Variants in USP12 observed in about 807,000 individuals in gnomAD.
The protein encoded by USP12 is ubiquitin carboxyl-terminal hydrolase 12.
In USP12, 19 loss-of-function variants were observed where a neutral mutation model predicts 45.5. The ratio of observed to expected loss-of-function variants is 0.42; its 90% CI spans 0.29 to 0.61. The LOEUF (loss-of-function observed/expected upper bound fraction) is 0.61, where lower values mean the gene tolerates loss of function less well. Among genes scored for constraint, USP12 ranks in the 20% least tolerant of loss-of-function variants. USP12 has a pLI of 0.22. For synonymous variants in USP12, 149 were observed against 148.8 expected (o/e 1.00, Z -0.01); for missense variants, 242 against 447.7 (o/e 0.54, Z 4.15).
chr13:27,158,838 A>G (rs577602579), intron 1 of USP12, among the ~76,000 whole-genome samples: 7 of 152,384 alleles, frequency 4.6e-5, no homozygotes, highest in Middle Eastern at 3.4e-3. Context: ...GGAAATTAAA[A>G]TGCACACAAG....
chr13:27,127,773 T>C (rs564191946), intron 1 of USP12, among the ~76,000 whole-genome samples: 1 of 152,252 alleles, frequency 6.6e-6, no homozygotes, highest in African/African-American at 2.4e-5. Context: ...AAATTTCTCA[T>C]CTCTTCAGAA....
At chr13:27,138,036 G>C (rs1324550296) in intron 1 of USP12, among the ~76,000 whole-genome samples, 3 of 152,226 alleles carry the variant, frequency 2.0e-5, no homozygotes, top group African/African-American at 7.2e-5. Context: ...AAGTGAGCTT[G>C]AAAGCAGATC....
intron 6 of USP12, among the ~76,000 whole-genome samples, chr13:27,087,051 AC>A (rs1476620183): frequency 3.3e-5 from 5 of 152,146 alleles, no homozygotes; most frequent in Non-Finnish European, 7.3e-5. Flanking sequence ...AATAACACAG[AC>A]ATCTGTACAG....
At chr13:27,112,973 C>A (rs1399751013) in intron 2 of USP12, among the ~76,000 whole-genome samples, 4 of 152,202 alleles carry the variant, frequency 2.6e-5, no homozygotes. Flanking sequence ...ATGGCTCATG[C>A]CTGTAATCCC....
chr13:27,124,599 G>A (rs1169239829), intron 1 of USP12, among the ~76,000 whole-genome samples: 2 of 152,182 alleles, frequency 1.3e-5, no homozygotes, highest in African/African-American at 4.8e-5. Flanking sequence ...AGTACACAAA[G>A]GAGAACCGCC....
At chr13:27,147,434 G>A (rs1225353130) in intron 1 of USP12, among the ~76,000 whole-genome samples, 1 of 151,994 alleles carries the variant, frequency 6.6e-6, no homozygotes, top group Non-Finnish European at 1.5e-5. Flanking sequence ...AAAAATTCTA[G>A]CTAACAAAGT....
chr13:27,160,859 C>T (rs572575355), intron 1 of USP12, among the ~76,000 whole-genome samples: 1 of 151,050 alleles, frequency 6.6e-6, no homozygotes, highest in Non-Finnish European at 1.5e-5. Flanking sequence ...CACAGGTAAA[C>T]GTATCATGGT....
chr13:27,086,197 A>AAAAATATATAT (rs1555233235), intron 6 of USP12, among the ~76,000 whole-genome samples: 1 of 56,934 alleles, frequency 1.8e-5, no homozygotes, highest in African/African-American at 6.9e-5. Flanking sequence ...AAAAAAAAAA[A>AAAAATATATAT]ATATATATAT....
chr13:27,150,834 TG>T (rs953215880), intron 1 of USP12, among the ~76,000 whole-genome samples: 25 of 152,212 alleles, frequency 1.6e-4, no homozygotes, highest in African/African-American at 5.8e-4. Context: ...CAACTGGCGC[TG>T]GGACAAATGG....
At chr13:27,098,628 G>A (rs925368834) in intron 3 of USP12, among the ~76,000 whole-genome samples, 9 of 152,244 alleles carry the variant, frequency 5.9e-5, no homozygotes, top group Admixed American at 6.5e-5. Context: ...GGTATGGCAC[G>A]TTGTAAAGGC....
At chr13:27,089,366 A>G (rs1371646909) in intron 6 of USP12, 1 of 152,868 alleles carries the variant, frequency 6.5e-6, no homozygotes, top group Non-Finnish European at 1.5e-5. Flanking sequence ...TAGGGTAAAA[A>G]AGCTTTCTTG....
intron 1 of USP12, among the ~76,000 whole-genome samples, chr13:27,143,442 C>A (rs1236241613): frequency 6.6e-6 from 1 of 152,066 alleles, no homozygotes; most frequent in Non-Finnish European, 1.5e-5. Context: ...AGAGGAATGC[C>A]TACTAATAAA....
chr13:27,145,047 G>A (rs1566002565), intron 1 of USP12, among the ~76,000 whole-genome samples: 1 of 152,162 alleles, frequency 6.6e-6, no homozygotes, highest in African/African-American at 2.4e-5. Flanking sequence ...AGCCTGGGCT[G>A]GACCCTGCAG....
At chr13:27,076,212 A>G (rs1181764368) in intron 6 of USP12, among the ~76,000 whole-genome samples, 2 of 152,170 alleles carry the variant, frequency 1.3e-5, no homozygotes, top group Non-Finnish European at 2.9e-5. Flanking sequence ...TGTCAGAGAC[A>G]AGAAATAACT....
chr13:27,122,204 C>T (rs1345756095), intron 1 of USP12, among the ~76,000 whole-genome samples: 1 of 151,848 alleles, frequency 6.6e-6, no homozygotes, highest in Admixed American at 6.6e-5. Flanking sequence ...AACTGTACTT[C>T]CATAGGAACC....
chr13:27,084,119 A>C (rs117926682), intron 6 of USP12, among the ~76,000 whole-genome samples: 6,541 of 151,294 alleles, frequency 0.043, 216 homozygotes, highest in Non-Finnish European at 0.074. Context: ...CTTTTTAACT[A>C]CAAAAAAAAT....
intron 2 of USP12, among the ~76,000 whole-genome samples, chr13:27,114,415 A>G (rs1875613492): frequency 6.6e-6 from 1 of 152,218 alleles, no homozygotes; most frequent in Non-Finnish European, 1.5e-5. Flanking sequence ...CTGGCCTGTA[A>G]GTGGGATACT....
intron 4 of USP12, among the ~76,000 whole-genome samples, chr13:27,091,881 A>G (rs1218536759): frequency 1.3e-5 from 2 of 152,224 alleles, no homozygotes; most frequent in Non-Finnish European, 2.9e-5. Context: ...AAATACAAGC[A>G]TGAGCTCCTC....
chr13:27,143,128 A>C (rs1877146800), intron 1 of USP12, among the ~76,000 whole-genome samples: 1 of 151,746 alleles, frequency 6.6e-6, no homozygotes, highest in Non-Finnish European at 1.5e-5. Flanking sequence ...AAAGAACAAT[A>C]AAGTAGTAGT....
Sources: allele counts gnomAD v4.1 joint callset (sites outside exome capture counted in the v4.1 genomes callset), GRCh38; gene constraint gnomAD v4.1.1; transcripts MANE v1.5; gene names NCBI Gene and HGNC (gene_info 2026-07-23, HGNC 2026-07-21).